GPD2: variants seen among roughly 807,000 people sequenced by gnomAD.
GPD2 encodes the protein glycerol-3-phosphate dehydrogenase, mitochondrial.
A neutral mutation model predicts 82.4 loss-of-function variants in GPD2; 54 were observed. The ratio of observed to expected loss-of-function variants is 0.66; its 90% confidence interval spans 0.53 to 0.82. The LOEUF is 0.82. GPD2 is among the 40% of genes least tolerant of loss of function. The pLI, the probability that GPD2 is intolerant of heterozygous loss-of-function variation, is 0.00. For missense variants in GPD2, 748 were observed against 896.2 expected (o/e 0.83, Z 2.11); for synonymous variants, 288 against 306.1 (o/e 0.94, Z 0.62).
chr2:156,520,267 C>T (rs1299041929), intron 6 of GPD2, among the ~76,000 whole-genome samples: 1 of 152,048 alleles, frequency 6.6e-6, no homozygotes, highest in Non-Finnish European at 1.5e-5. Flanking sequence ...ATATGAAGTT[C>T]TCATTTAGGG....
At chr2:156,425,970 T>G in the GPD2 span, among the ~76,000 whole-genome samples, 1 of 150,580 alleles carries the variant, frequency 6.6e-6, no homozygotes, top group Non-Finnish European at 1.5e-5. Flanking sequence ...TTGCCCAGGC[T>G]GGAGTGCAGT....
At chr2:156,419,049 C>CTTTTTTT in the GPD2 span, among the ~76,000 whole-genome samples, 3 of 77,216 alleles carry the variant, frequency 3.9e-5, no homozygotes, top group Non-Finnish European at 8.0e-5. Context: ...TTCTTTCCTT[C>CTTTTTTT]TTTTTTTTTT....
the GPD2 span, among the ~76,000 whole-genome samples, chr2:156,400,732 T>C: frequency 6.6e-6 from 1 of 152,236 alleles, no homozygotes; most frequent in Non-Finnish European, 1.5e-5. Flanking sequence ...GCTAGCAGAC[T>C]GAATGAGTAT....
intron 1 of GPD2, among the ~76,000 whole-genome samples, chr2:156,465,619 C>T (rs951312926): frequency 1.3e-5 from 2 of 152,074 alleles, no homozygotes; most frequent in Non-Finnish European, 2.9e-5. Flanking sequence ...CTGGGTTTCT[C>T]TGAGTCTGGG....
At chr2:156,504,773 C>T (rs898092865) in intron 3 of GPD2, among the ~76,000 whole-genome samples, 2 of 151,828 alleles carry the variant, frequency 1.3e-5, no homozygotes, top group African/African-American at 4.8e-5. Context: ...TATTTATTGA[C>T]ATGGGTAAGT....
chr2:156,415,901 A>G, the GPD2 span, among the ~76,000 whole-genome samples: 9 of 98,552 alleles, frequency 9.1e-5, 2 homozygotes, highest in Non-Finnish European at 1.8e-4. Flanking sequence ...GGCGCCTGTA[A>G]TCCCAGCTAC....
chr2:156,459,341 G>A (rs1309993807), intron 1 of GPD2, among the ~76,000 whole-genome samples: 1 of 152,086 alleles, frequency 6.6e-6, no homozygotes, highest in African/African-American at 2.4e-5. Flanking sequence ...AAAAATGGCA[G>A]AAGGCCTTGG....
At chr2:156,558,800 T>A in intron 9 of GPD2, among the ~76,000 whole-genome samples, 1 of 124,956 alleles carries the variant, frequency 8.0e-6, no homozygotes, top group East Asian at 2.4e-4. Context: ...TTTTTTTAAG[T>A]AGAGACAGTG....
At chr2:156,548,509 G>A (rs149954507) in intron 6 of GPD2, among the ~76,000 whole-genome samples, 255 of 152,274 alleles carry the variant, frequency 1.7e-3, no homozygotes, top group African/African-American at 5.8e-3. Flanking sequence ...CGTTTGTGGG[G>A]AGGGGCAGCA....
At chr2:156,537,567 T>C (rs1206140461) in intron 6 of GPD2, among the ~76,000 whole-genome samples, 1 of 152,256 alleles carries the variant, frequency 6.6e-6, no homozygotes, top group African/African-American at 2.4e-5. Context: ...TCTAAATTTA[T>C]TATTATTTTG....
At chr2:156,536,547 T>C (rs1045413824) in intron 6 of GPD2, among the ~76,000 whole-genome samples, 2 of 152,240 alleles carry the variant, frequency 1.3e-5, no homozygotes, top group African/African-American at 2.4e-5. Context: ...TCACAGAATC[T>C]ATTTACAGCT....
At chr2:156,545,490 A>G (rs561648844) in intron 6 of GPD2, among the ~76,000 whole-genome samples, 17 of 152,242 alleles carry the variant, frequency 1.1e-4, no homozygotes, top group Admixed American at 9.2e-4. Flanking sequence ...AATATTCTCA[A>G]CATTTCAACA....
chr2:156,528,385 T>C (rs1481914719), intron 6 of GPD2, among the ~76,000 whole-genome samples: 2 of 151,808 alleles, frequency 1.3e-5, no homozygotes, highest in African/African-American at 2.4e-5. Context: ...AACATATTTC[T>C]CCACTCAATT....
intron 6 of GPD2, among the ~76,000 whole-genome samples, chr2:156,531,841 G>T (rs556977475): frequency 6.6e-6 from 1 of 152,138 alleles, no homozygotes; most frequent in Non-Finnish European, 1.5e-5. Flanking sequence ...AGGGCCACAG[G>T]TTCCAGCAAT....
intron 12 of GPD2, 35 bp downstream of exon 12, chr2:156,570,253 C>T (rs761842451): frequency 6.4e-7 from 1 of 1,573,408 alleles, no homozygotes; most frequent in Admixed American, 1.7e-5. Flanking sequence ...TTCATGTCTG[C>T]CATGGGATAC....
intron 16 of GPD2, 47 bp from the exon 17 acceptor site, chr2:156,582,746 A>T: frequency 6.2e-7 from 1 of 1,603,322 alleles, no homozygotes; most frequent in Admixed American, 1.7e-5. Flanking sequence ...TGAAGAAGAG[A>T]GTAAGTTGGC....
chr2:156,452,506 T>G (rs1012956583), intron 1 of GPD2, among the ~76,000 whole-genome samples: 2 of 152,096 alleles, frequency 1.3e-5, no homozygotes, highest in Non-Finnish European at 2.9e-5. Flanking sequence ...CAGTCCAGCT[T>G]CGGCTCGGCA....
chr2:156,570,429 CAT>C (rs1371212294), intron 12 of GPD2, among the ~76,000 whole-genome samples: 1 of 152,104 alleles, frequency 6.6e-6, no homozygotes, highest in Admixed American at 6.6e-5. Context: ...ATAATAACAA[CAT>C]AAAATATAGG....
rs1055092813 is a variant in GPD2, at chr2:156,550,645, G to C, written c.870G>C (p.Thr290=). ...GAGCCAAATGTGTTATCAATGCCAC[G>C]GGACCTTTCACGGACTCTGTGCGCA... ...DVRAKCVINA[T]GPFTDSVRKM... The change falls in exon 8 of 17, where the codon ACG becomes ACC. Residue 290 remains threonine (T), a synonymous_variant. Coordinates refer to ENST00000438166, the MANE Select transcript of GPD2 (RefSeq NM_000408.5). 1 of 1,613,978 alleles carries C rather than the reference G, an allele frequency of 6.2e-7. No homozygotes were observed. The highest frequency in any genetic ancestry group is 2.2e-5 in the East Asian group (1 of 44,858).
Sources: allele counts gnomAD v4.1 joint callset (sites outside exome capture counted in the v4.1 genomes callset), GRCh38; gene constraint gnomAD v4.1.1; transcripts MANE v1.5; gene names NCBI Gene and HGNC (gene_info 2026-07-23, HGNC 2026-07-21).